The following PTPRK variants were observed in gnomAD, a reference collection of about 807,000 sequenced individuals.
PTPRK encodes receptor-type tyrosine-protein phosphatase kappa.
A neutral mutation model predicts 178.0 loss-of-function variants in PTPRK; 75 were observed. The ratio of observed to expected loss-of-function variants is 0.42; its 90% CI spans 0.35 to 0.51. PTPRK has a LOEUF of 0.51. Ranked by LOEUF, PTPRK falls within the 20% of genes least tolerant of loss-of-function variation. The pLI is 0.02. For synonymous variants in PTPRK, 637 were observed against 620.6 expected (o/e 1.03, Z -0.39); for missense variants, 1,441 against 1,797.8 (o/e 0.80, Z 3.59).
chr6:128,042,795 A>C (rs1777417277), intron 13 of PTPRK, among the ~76,000 whole-genome samples: 1 of 152,072 alleles, frequency 6.6e-6, no homozygotes, highest in Non-Finnish European at 1.5e-5. Flanking sequence ...ATTACAAATA[A>C]CTTATCTATT....
In PTPRK at chr6:128,292,208, T is replaced by C. The variant is rs148564973; in HGVS notation, c.495+29831A>G. Among the ~76,000 whole-genome samples, 95 of 152,146 alleles carry C rather than the reference T, an allele frequency of 6.2e-4. 1 individual carries two copies. Among genetic ancestry groups the C allele is most frequent in the African/African-American group, 2.0e-3 (82 of 41,546 alleles). On this transcript the variant is annotated intron_variant, in intron 3 of 29. Transcript: ENST00000368226. Reference sequence around the variant, plus strand: ...TGCTCATAGAAAAATAAAACAAATATCAGTAAAACTTACATGAATAAGTTT... The same window carrying C: ...TGCTCATAGAAAAATAAAACAAATACCAGTAAAACTTACATGAATAAGTTT...
At chr6:128,206,597 T>A (rs987856235) in intron 6 of PTPRK, among the ~76,000 whole-genome samples, 1 of 152,058 alleles carries the variant, frequency 6.6e-6, no homozygotes, top group African/African-American at 2.4e-5. Context: ...ATAGAAAATT[T>A]AAGTGTTAGA....
intron 7 of PTPRK, among the ~76,000 whole-genome samples, chr6:128,105,040 A>G (rs1322031950): frequency 2.6e-5 from 4 of 151,796 alleles, no homozygotes; most frequent in Admixed American, 2.0e-4. Context: ...ATTGCCTTTT[A>G]TTGTTTCTTG....
At chr6:128,266,493 C>G (rs1294114048) in intron 3 of PTPRK, among the ~76,000 whole-genome samples, 2 of 152,066 alleles carry the variant, frequency 1.3e-5, no homozygotes, top group African/African-American at 2.4e-5. Context: ...CTAAGAAACA[C>G]TGAATTTAGA....
chr6:128,454,124 C>T (rs944982457), intron 1 of PTPRK, among the ~76,000 whole-genome samples: 3 of 152,140 alleles, frequency 2.0e-5, no homozygotes, highest in Non-Finnish European at 4.4e-5. Flanking sequence ...GTCCCTTGCC[C>T]CTTCAGCCAA....
chr6:128,268,595 A>G (rs1458459662), intron 3 of PTPRK, among the ~76,000 whole-genome samples: 1 of 152,050 alleles, frequency 6.6e-6, no homozygotes, highest in African/African-American at 2.4e-5. Flanking sequence ...TTGCCAACAA[A>G]AAGTCATTAT....
intron 1 of PTPRK, among the ~76,000 whole-genome samples, chr6:128,450,733 C>T (rs916391995): frequency 1.1e-4 from 16 of 152,172 alleles, no homozygotes; most frequent in South Asian, 2.1e-4. Context: ...GTAAATAGAA[C>T]GCAGTTTCAC....
intron 3 of PTPRK, among the ~76,000 whole-genome samples, chr6:128,318,704 T>C (rs1274951020): frequency 1.3e-5 from 2 of 152,178 alleles, no homozygotes; most frequent in African/African-American, 4.8e-5. Context: ...AAGAAGGTAA[T>C]GGATTTAATC....
rs1562692285 is a variant in PTPRK at position 128,520,494 on chromosome 6, C to T, written c.-136G>A. On this transcript the variant is annotated 5_prime_UTR_variant, in exon 1 of 30. Coordinates refer to ENST00000368226, the MANE Select transcript of PTPRK (RefSeq NM_002844.4). ...GGACAGCCGCCCGCCCGCCCTTTTT[C>T]CTTCTTCGCGGTCGCCAAACTACCT... 2.5e-6 allele frequency: 2 copies of T among 793,024 alleles called. No individual in the cohort carries two copies. Among genetic ancestry groups the T allele is most frequent in the East Asian group, 5.5e-5 (2 of 36,288 alleles). The allele number at this position is 793,024 out of a possible 1,614,324, so 49.1% of individuals were successfully genotyped here. A position where few individuals can be genotyped will look rare whatever the true frequency, so the allele number is the denominator to read the frequency against.
At chr6:128,405,863 T>C (rs542692729) in intron 1 of PTPRK, among the ~76,000 whole-genome samples, 1 of 152,148 alleles carries the variant, frequency 6.6e-6, no homozygotes, top group Admixed American at 6.5e-5. Context: ...TTACTTCAGA[T>C]TGGCAAAGGA....
Position 128,298,214 on chromosome 6 carries a change from C to A in PTPRK, c.495+23825G>T, listed in dbSNP as rs145286486. ...ACTCTCTGAATAGACCAATAACAGGCTCTGAAATTGTGGCAATAATCAATA... is the reference window on the plus strand; with the variant it reads ...ACTCTCTGAATAGACCAATAACAGGATCTGAAATTGTGGCAATAATCAATA... On this transcript the variant is annotated intron_variant, in intron 3 of 29. Transcript: ENST00000368226. 4.0e-3 allele frequency among the ~76,000 whole-genome samples: 612 copies of A among 152,042 alleles called. 5 individuals carry two copies. Among genetic ancestry groups the A allele is most frequent in the African/African-American group, 0.014 (584 of 41,424 alleles).
chr6:128,122,836 T>C (rs1332723006), intron 7 of PTPRK, among the ~76,000 whole-genome samples: 1 of 152,148 alleles, frequency 6.6e-6, no homozygotes, highest in African/African-American at 2.4e-5. Flanking sequence ...TTCTAACACT[T>C]GGCAGACTAA....
intron 1 of PTPRK, among the ~76,000 whole-genome samples, chr6:128,429,786 G>A (rs960673993): frequency 6.6e-6 from 1 of 152,148 alleles, no homozygotes; most frequent in African/African-American, 2.4e-5. Context: ...TCAGTGAGGT[G>A]TGCATTATTA....
chr6:127,995,236 T>A (rs751304921), intron 18 of PTPRK: 2 of 1,596,044 alleles, frequency 1.3e-6, no homozygotes, highest in Non-Finnish European at 1.7e-6. Flanking sequence ...TATTTACATA[T>A]AGTGGTACTT....
intron 6 of PTPRK, among the ~76,000 whole-genome samples, chr6:128,214,544 C>CATTATT (rs369013218): frequency 3.2e-4 from 48 of 150,030 alleles, no homozygotes; most frequent in South Asian, 1.0e-3. Context: ...ACCAGTGATG[C>CATTATT]ATTATTATTA....
At chr6:128,213,381 T>A (rs1808604938) in intron 6 of PTPRK, among the ~76,000 whole-genome samples, 1 of 152,084 alleles carries the variant, frequency 6.6e-6, no homozygotes, top group Non-Finnish European at 1.5e-5. Flanking sequence ...ACACATTTGG[T>A]ATCCACTGGC....
rs1010183787 is a variant in PTPRK, at chr6:128,109,062, T to A, written c.1163-19070A>T. Among the ~76,000 whole-genome samples the A allele has an allele frequency of 3.3e-5, 5 of 152,216 alleles. No individual in the cohort carries two copies. The East Asian group carries it at 9.7e-4, about 29-fold the overall frequency. ...TTAGCTCATAATACACAGAACAGAATGATAATTTCCAAGAACATTTAAAAA... is the reference window on the plus strand; with the variant it reads ...TTAGCTCATAATACACAGAACAGAAAGATAATTTCCAAGAACATTTAAAAA... On this transcript the variant is annotated intron_variant, in intron 7 of 29. Transcript: ENST00000368226.
At chr6:128,069,948 T>C (rs557129896) in intron 11 of PTPRK, among the ~76,000 whole-genome samples, 3 of 152,036 alleles carry the variant, frequency 2.0e-5, no homozygotes, top group Admixed American at 2.0e-4. Flanking sequence ...AAAATAAAAA[T>C]CAATGCCTTG....
intron 24 of PTPRK, 50 bp downstream of exon 24, chr6:127,982,781 C>A: frequency 6.6e-7 from 1 of 1,525,572 alleles, no homozygotes; most frequent in Non-Finnish European, 8.9e-7. Flanking sequence ...TCCTAGCGCC[C>A]AGAACAAATT....
Sources: gnomAD v4.1 joint callset for allele counts (sites outside exome capture counted in the v4.1 genomes callset) on GRCh38, gnomAD v4.1.1 for gene constraint, MANE v1.5 for transcripts, NCBI Gene and HGNC (gene_info 2026-07-23, HGNC 2026-07-21) for gene names.